The following KCNJ8 variants were observed in gnomAD, a reference collection of about 807,000 sequenced individuals.
The protein encoded by KCNJ8 is ATP-sensitive inward rectifier potassium channel 8.
In KCNJ8, 13 loss-of-function variants were observed where a neutral mutation model predicts 28.2. The observed-to-expected ratio is 0.46, with a 90% CI of 0.30 to 0.73. The LOEUF (loss-of-function observed/expected upper bound fraction) is 0.73. Ranked by LOEUF, KCNJ8 falls within the 30% of genes least tolerant of loss-of-function variation. KCNJ8 has a pLI of 0.07. For missense variants in KCNJ8, 284 were observed against 542.6 expected, an observed-to-expected ratio of 0.52 and a Z score of 4.73; for synonymous variants, 188 against 195.9, an observed-to-expected ratio of 0.96 and a Z score of 0.34.
intron 2 of KCNJ8, among the ~76,000 whole-genome samples, chr12:21,767,832 G>A (rs528855701): frequency 6.6e-6 from 1 of 152,270 alleles, no homozygotes; most frequent in South Asian, 2.1e-4. Flanking sequence ...CATCCAGCCA[G>A]TCTATTATCA....
At chr12:21,772,922 C>T (rs1940794729) in intron 2 of KCNJ8, among the ~76,000 whole-genome samples, 1 of 152,164 alleles carries the variant, frequency 6.6e-6, no homozygotes, top group African/African-American at 2.4e-5. Context: ...TCATACTGAA[C>T]TCAATGTGTG....
Position 21,773,120 on chromosome 12 carries a change from G to A in KCNJ8, c.374+123C>T. The stretch of plus-strand genomic sequence containing the variant: ...TTCTTTATTGTGCTTTTTTGTTTCT[G>A]AAGATTCTAAAACAAACCCTTTATT... On this transcript the variant is annotated intron_variant, in intron 2 of 2. Coordinates refer to ENST00000240662, the MANE Select transcript of KCNJ8 (RefSeq NM_004982.4). This position sits in a 1 kb window ranked among gnomAD's most constrained non-coding sequence, Gnocchi z 4.6. The A allele has an allele frequency of 8.6e-7, 1 of 1,167,918 alleles. No homozygotes were observed. 72.3% of individuals were successfully genotyped at this position (1,167,918 alleles called of 1,614,324 possible). A position where few individuals can be genotyped will look rare whatever the true frequency, so the allele number is the denominator to read the frequency against.
chr12:21,767,323 A>G (rs915477135), intron 2 of KCNJ8, among the ~76,000 whole-genome samples: 9,053 of 40,486 alleles, frequency 0.22, 433 homozygotes, highest in Middle Eastern at 0.41. Context: ...CCCCCCCCCC[A>G]CCTCCAGGCC....
Position 21,765,850 on chromosome 12 carries a change from C to T in KCNJ8, c.1148G>A (p.Arg383His), listed in dbSNP as rs764730358. Residue 383 changes from arginine to histidine, a missense_variant, in exon 3 of 3, where the codon CGC becomes CAC. Transcript: ENST00000240662. ...GGAATTGTTTCTTCTCATGGAGTTGCGCTTCCTCAGAGAATTTTGATGAGA... is the reference window on the plus strand; with the variant it reads ...GGAATTGTTTCTTCTCATGGAGTTGTGCTTCCTCAGAGAATTTTGATGAGA... ...ELSHQNSLRKRNSMRRNNSMR... is the reference protein window; with the variant it reads ...ELSHQNSLRKHNSMRRNNSMR... 6.2e-7 allele frequency: 1 copy of T among 1,614,046 alleles called. No homozygotes were observed. Among genetic ancestry groups the T allele is most frequent in the South Asian group, 1.1e-5 (1 of 91,076 alleles).
chr12:21,765,409 G>A lies in KCNJ8; in HGVS notation c.*314C>T. Reference sequence around the variant, plus strand: ...CAGACTCATTTCTTGACCAAATTTTGTGCTCAAGGCCTGTTACTATTAGTG... The same window carrying A: ...CAGACTCATTTCTTGACCAAATTTTATGCTCAAGGCCTGTTACTATTAGTG... On this transcript the variant is annotated 3_prime_UTR_variant, in exon 3 of 3. Coordinates refer to ENST00000240662, the MANE Select transcript of KCNJ8 (RefSeq NM_004982.4). 1 of 399,298 alleles carries A rather than the reference G, an allele frequency of 2.5e-6. No individual in the cohort carries two copies. Among genetic ancestry groups the A allele is most frequent in the Non-Finnish European group, 4.7e-6 (1 of 214,702 alleles). The allele number at this position is 399,298 out of a possible 1,614,324, so 24.7% of individuals were successfully genotyped here.
rs1565661985 is a variant in KCNJ8 at position 21,773,298 on chromosome 12, T to C, written c.319A>G (p.Lys107Glu). 1.2e-6 allele frequency: 2 copies of C among 1,614,126 alleles called. No homozygotes were observed. Among genetic ancestry groups the C allele is most frequent in the East Asian group, 2.2e-5 (1 of 44,884 alleles). Residue 107 changes from lysine to glutamate, a missense_variant, in exon 2 of 3, where the codon AAA (lysine) becomes GAA (glutamate). Physicochemically the swap from Lys to Glu is moderately conservative, Grantham distance 56. This residue lies in a region of KCNJ8 where 42 missense variants were observed against 50.9 expected (regional missense o/e 0.83). Coordinates refer to ENST00000240662, the MANE Select transcript of KCNJ8 (RefSeq NM_004982.4). This position sits in a 1 kb window ranked among gnomAD's most constrained non-coding sequence, Gnocchi z 4.6. ...AAACCACTTTTCTCCATTCCACTTTTCTCCATGTAAGCATAGATGTCCCCA... is the reference window on the plus strand; with the variant it reads ...AAACCACTTTTCTCCATTCCACTTTCCTCCATGTAAGCATAGATGTCCCCA... ...AHGDIYAYMEKSGMEKSGLES... is the reference protein window; with the variant it reads ...AHGDIYAYMEESGMEKSGLES...
intron 2 of KCNJ8, among the ~76,000 whole-genome samples, chr12:21,770,117 A>G (rs1220791420): frequency 6.6e-6 from 1 of 152,136 alleles, no homozygotes; most frequent in Non-Finnish European, 1.5e-5. Flanking sequence ...TGTTGCAGCA[A>G]ACTCTTCATT....
At chr12:21,774,205 T>C (rs1351718157) in intron 1 of KCNJ8, among the ~76,000 whole-genome samples, 1 of 152,150 alleles carries the variant, frequency 6.6e-6, no homozygotes, top group African/African-American at 2.4e-5. Flanking sequence ...GACAAAATTA[T>C]AATAAGTGGT....
chr12:21,772,379 C>T (rs1283298658), intron 2 of KCNJ8, among the ~76,000 whole-genome samples: 3 of 151,882 alleles, frequency 2.0e-5, no homozygotes, highest in Non-Finnish European at 1.5e-5. Context: ...TTTCCACCTC[C>T]CCCCGAAAAA....
At position 21,766,286 on chromosome 12, in the gene KCNJ8, C is replaced by T; in HGVS notation, c.712G>A (p.Gly238Arg). Residue 238 changes from glycine to arginine, a missense_variant, in exon 3 of 3, where the codon GGG becomes AGG. Gly to Arg is a moderately radical substitution (Grantham distance 125, BLOSUM62 -2). This residue lies in a region of KCNJ8 where 107 missense variants were observed against 235.6 expected (regional missense o/e 0.45). Transcript: ENST00000240662. This position sits in a 1 kb window ranked among gnomAD's most constrained non-coding sequence, Gnocchi z 6.5. ...AGTTGGTGAATAGGAACCACCTCCCCTTCAGGTGTAGTTGTTTTCTTGACC... is the reference window on the plus strand; with the variant it reads ...AGTTGGTGAATAGGAACCACCTCCCTTTCAGGTGTAGTTGTTTTCTTGACC... Reference protein sequence around the residue: ...QVVKKTTTPEGEVVPIHQLDI... With the variant: ...QVVKKTTTPEREVVPIHQLDI... 6.2e-7 allele frequency: 1 copy of T among 1,614,150 alleles called. No individual in the cohort carries two copies.
chr12:21,772,897 T>C (rs545551519), intron 2 of KCNJ8, among the ~76,000 whole-genome samples: 2 of 152,324 alleles, frequency 1.3e-5, no homozygotes, highest in East Asian at 1.9e-4. Flanking sequence ...ACTGAAACTA[T>C]GGACAACAGC....
intron 2 of KCNJ8, among the ~76,000 whole-genome samples, chr12:21,767,308 A>AACCC (rs1565659497): frequency 1.3e-4 from 7 of 53,720 alleles, no homozygotes; most frequent in Non-Finnish European, 1.7e-4. Flanking sequence ...GGGGTCCCCA[A>AACCC]CCCCCCCCCC....
At position 21,773,774 on chromosome 12, in the gene KCNJ8, T is replaced by C; in HGVS notation, c.-70-88A>G. On this transcript the variant is annotated intron_variant, in intron 1 of 2. Coordinates refer to ENST00000240662, the MANE Select transcript of KCNJ8 (RefSeq NM_004982.4). The surrounding 1 kb of genome is among the most constrained non-coding windows in gnomAD (Gnocchi z 4.6). ...TTGTATTCAAGGATATGTCTGTACA[T>C]GTGCGAGGTGACATGCAAAACCAAA... The C allele has an allele frequency of 2.1e-6, 2 of 950,762 alleles. No individual in the cohort carries two copies. The highest frequency in any genetic ancestry group is 3.2e-6 in the Non-Finnish European group (2 of 630,342). The allele number at this position is 950,762 out of a possible 1,614,324, so 58.9% of individuals were successfully genotyped here.
chr12:21,773,195 T>A lies in KCNJ8; in HGVS notation c.374+48A>T. On this transcript the variant is annotated intron_variant, in intron 2 of 2. Coordinates refer to ENST00000240662, the MANE Select transcript of KCNJ8 (RefSeq NM_004982.4). This position sits in a 1 kb window ranked among gnomAD's most constrained non-coding sequence, Gnocchi z 4.6. ...GATAAGAGAAAGGGCATTTTGACAT[T>A]TTTTCTCTACTGTTTTCAACCCCTG... 3.8e-6 allele frequency: 6 copies of A among 1,598,692 alleles called. No homozygotes were observed. Among genetic ancestry groups the A allele is most frequent in the Non-Finnish European group, 5.1e-6 (6 of 1,172,016 alleles).
intron 2 of KCNJ8, among the ~76,000 whole-genome samples, chr12:21,770,346 T>C (rs912592525): frequency 3.3e-5 from 5 of 152,214 alleles, no homozygotes; most frequent in African/African-American, 1.2e-4. Context: ...CTTACTAGAT[T>C]ACAATATAAT....
intron 2 of KCNJ8, among the ~76,000 whole-genome samples, chr12:21,772,851 A>G (rs1254838176): frequency 1.3e-5 from 2 of 152,146 alleles, no homozygotes; most frequent in Non-Finnish European, 2.9e-5. Flanking sequence ...CACTAGCACA[A>G]TATTTTTTGT....
rs116384069 is a variant in KCNJ8 at position 21,766,791 on chromosome 12, G to C, written c.375-168C>G. Reference sequence around the variant, plus strand: ...CTAATTCTAAACTGTGTTTAGAACAGTCTCTCTCTCTCTTGCATGCATCTA... The same window carrying C: ...CTAATTCTAAACTGTGTTTAGAACACTCTCTCTCTCTCTTGCATGCATCTA... On this transcript the variant is annotated intron_variant, in intron 2 of 2. Coordinates refer to ENST00000240662, the MANE Select transcript of KCNJ8 (RefSeq NM_004982.4). The surrounding 1 kb of genome is among the most constrained non-coding windows in gnomAD (Gnocchi z 6.5). The C allele has an allele frequency of 2.9e-3, 1,896 of 650,442 alleles. 23 individuals are homozygous for C. In the African/African-American group the frequency reaches 0.031, roughly 10 times the overall value. The allele number at this position is 650,442 out of a possible 1,614,324, so 40.3% of individuals were successfully genotyped here. A position where few individuals can be genotyped will look rare whatever the true frequency, so the allele number is the denominator to read the frequency against.
At chr12:21,767,702 C>G (rs757800692) in intron 2 of KCNJ8, among the ~76,000 whole-genome samples, 3 of 152,248 alleles carry the variant, frequency 2.0e-5, no homozygotes, top group Non-Finnish European at 4.4e-5. Flanking sequence ...GAACTAGGGG[C>G]AGAAACTAGT....
At position 21,773,400 on chromosome 12, in the gene KCNJ8, G is replaced by C; in HGVS notation, c.217C>G (p.Leu73Val). The change falls in exon 2 of 3, where the codon CTG (leucine) becomes GTG (valine). Residue 73 changes from leucine to valine, a missense_variant. Around this residue, in one of 8 missense-constraint regions of KCNJ8, gnomAD observed 9 missense variants for 42.8 expected, o/e 0.21. Coordinates refer to ENST00000240662, the MANE Select transcript of KCNJ8 (RefSeq NM_004982.4). This position sits in a 1 kb window ranked among gnomAD's most constrained non-coding sequence, Gnocchi z 4.6. ...TLVDLKWRHTLVIFTMSFLCS... is the reference protein window; with the variant it reads ...TLVDLKWRHTVVIFTMSFLCS... ...AGGAAGGACATGGTAAAGATGACCA[G>C]CGTGTGGCGCCATTTCAGGTCCACC... The C allele has an allele frequency of 1.2e-6, 2 of 1,614,278 alleles. No homozygotes were observed. The highest frequency in any genetic ancestry group is 1.7e-6 in the Non-Finnish European group (2 of 1,180,052).
Sources: allele counts gnomAD v4.1 joint callset (sites outside exome capture counted in the v4.1 genomes callset), GRCh38; gene constraint gnomAD v4.1.1; regional missense constraint gnomAD v4.1.1; non-coding constraint Gnocchi (gnomAD v3.1); transcripts MANE v1.5; gene names NCBI Gene and HGNC (gene_info 2026-07-23, HGNC 2026-07-21).